ABCC5: variants seen among roughly 807,000 people sequenced by gnomAD.
The protein encoded by ABCC5 is ATP binding cassette subfamily C member 5, also known as ATP-binding cassette sub-family C member 5.
Under a neutral mutation model 160.9 loss-of-function variants are expected in ABCC5, and 61 were observed. That is an observed-to-expected ratio of 0.38 (90% CI 0.31 to 0.47). The LOEUF (loss-of-function observed/expected upper bound fraction) is 0.47. Ranked by LOEUF, ABCC5 falls within the 20% of genes least tolerant of loss-of-function variation. The pLI is 0.99. For synonymous variants in ABCC5, 666 were observed against 700.6 expected (o/e 0.95, Z 0.78); for missense variants, 1,308 against 1,813.3 (o/e 0.72, Z 5.06).
chr3:183,933,164 T>C (rs1023955204), intron 26 of ABCC5, among the ~76,000 whole-genome samples: 824 of 65,488 alleles, frequency 0.013, 12 homozygotes, highest in African/African-American at 0.054. Context: ...CGAGACTGTC[T>C]CAAAAAAAAA....
chr3:183,999,102 G>GA (rs10576500), intron 2 of ABCC5, among the ~76,000 whole-genome samples: 14 of 144,490 alleles, frequency 9.7e-5, no homozygotes, highest in Middle Eastern at 3.6e-3. Flanking sequence ...AAAAAAAAAA[G>GA]AAAAAAAAAA....
chr3:183,950,200 G>T (rs1715214465), intron 20 of ABCC5, 75 bp from the exon 21 acceptor site: 5 of 1,475,972 alleles, frequency 3.4e-6, no homozygotes, highest in Admixed American at 2.5e-5. Context: ...AAACAAAAAG[G>T]GGTTCCACAA....
chr3:183,988,948 G>A lies in ABCC5; in HGVS notation c.288-221C>T, dbSNP rs1457940388. Among the ~76,000 whole-genome samples the A allele has an allele frequency of 6.6e-6, 1 of 151,974 alleles. No homozygotes were observed. The highest frequency in any genetic ancestry group is 1.5e-5 in the Non-Finnish European group (1 of 67,992). ...TGGGAGGCCGAGGCGGGCAGATCAT[G>A]AGGTCAGGAGATTGAGACTATCCTG... On this transcript the variant is annotated intron_variant, in intron 3 of 29. Coordinates refer to ENST00000334444, the MANE Select transcript of ABCC5 (RefSeq NM_005688.4). The surrounding 1 kb of genome is among the most constrained non-coding windows in gnomAD (Gnocchi z 4.4).
chr3:183,975,865 A>G (rs1718171591), intron 10 of ABCC5, among the ~76,000 whole-genome samples: 1 of 152,144 alleles, frequency 6.6e-6, no homozygotes, highest in Non-Finnish European at 1.5e-5. Flanking sequence ...AGTCCTCACT[A>G]ATAAGCAGGA....
intron 5 of ABCC5, chr3:183,984,479 G>A (rs377008570): frequency 4.7e-6 from 5 of 1,054,372 alleles, no homozygotes; most frequent in Middle Eastern, 4.6e-4. Context: ...TAGCTACGCT[G>A]AATTCCAAAA....
chr3:184,012,038 CACACACACAAAT>C (rs1260766654), intron 2 of ABCC5, among the ~76,000 whole-genome samples: 2 of 150,464 alleles, frequency 1.3e-5, no homozygotes, highest in Non-Finnish European at 1.5e-5. Flanking sequence ...CACACACACA[CACACACACAAAT>C]GAGTGCATAT....
At chr3:183,928,042 C>T (rs1184354920) in intron 27 of ABCC5, among the ~76,000 whole-genome samples, 1 of 152,092 alleles carries the variant, frequency 6.6e-6, no homozygotes, top group African/African-American at 2.4e-5. Flanking sequence ...ACTGAGTTGT[C>T]CCAAAATGTC....
intron 24 of ABCC5, among the ~76,000 whole-genome samples, chr3:183,943,630 G>C (rs73046532): frequency 0.017 from 2,566 of 152,170 alleles, 87 homozygotes; most frequent in African/African-American, 0.058. Flanking sequence ...ATAGCCTTAT[G>C]GGGGGAAGTA....
intron 8 of ABCC5, among the ~76,000 whole-genome samples, chr3:183,979,344 CA>C (rs574015878): frequency 3.7e-3 from 394 of 107,650 alleles, no homozygotes; most frequent in Non-Finnish European, 3.6e-3. Flanking sequence ...GGCCTTATCT[CA>C]AAAAAAAAAA....
intron 5 of ABCC5, chr3:183,984,909 G>C: frequency 1.3e-6 from 2 of 1,561,726 alleles, no homozygotes; most frequent in Non-Finnish European, 1.7e-6. Context: ...AAGGACAGCA[G>C]GTGGTTGCCT....
intron 2 of ABCC5, among the ~76,000 whole-genome samples, chr3:184,000,324 C>T (rs927299654): frequency 1.3e-5 from 2 of 152,074 alleles, no homozygotes; most frequent in African/African-American, 4.8e-5. Flanking sequence ...GCCTGGGTGA[C>T]AGAGTGAGAC....
Position 183,987,410 on chromosome 3 carries a change from A to C in ABCC5, c.591+360T>G. 8.0e-6 allele frequency: 4 copies of C among 502,516 alleles called. No individual in the cohort carries two copies. The highest frequency in any genetic ancestry group is 3.2e-5 in the East Asian group (1 of 31,540). The allele number at this position is 502,516 out of a possible 1,614,324, so 31.1% of individuals were successfully genotyped here. Reference sequence around the variant, plus strand: ...GGTATGTTCCCGGTGCTGGCTCACCAGCCCGGGCCACACAACGTGCTCTCA... The same window carrying C: ...GGTATGTTCCCGGTGCTGGCTCACCCGCCCGGGCCACACAACGTGCTCTCA... On this transcript the variant is annotated intron_variant, in intron 5 of 29. Coordinates refer to ENST00000334444, the MANE Select transcript of ABCC5 (RefSeq NM_005688.4). This position sits in a 1 kb window ranked among gnomAD's most constrained non-coding sequence, Gnocchi z 4.2.
rs746258460 is a variant in ABCC5, at chr3:183,982,326, T to C, written c.999+125A>G. The stretch of plus-strand genomic sequence containing the variant: ...GAGCAAGCACTATCGAGCTCTAGAT[T>C]GAACCTGCTTTGAGGAAATTTCCAA... On this transcript the variant is annotated intron_variant, in intron 7 of 29. Coordinates refer to ENST00000334444, the MANE Select transcript of ABCC5 (RefSeq NM_005688.4). This position sits in a 1 kb window ranked among gnomAD's most constrained non-coding sequence, Gnocchi z 5.2. 6.8e-5 allele frequency: 75 copies of C among 1,110,194 alleles called. No homozygotes were observed. Among genetic ancestry groups the C allele is most frequent in the Non-Finnish European group, 9.0e-5 (71 of 786,640 alleles). The allele number at this position is 1,110,194 out of a possible 1,614,324, so 68.8% of individuals were successfully genotyped here.
Position 183,982,318 on chromosome 3 carries a change from C to G in ABCC5, c.999+133G>C. On this transcript the variant is annotated intron_variant, in intron 7 of 29. Transcript: ENST00000334444. The surrounding 1 kb of genome is among the most constrained non-coding windows in gnomAD (Gnocchi z 5.2). ...TCCCTATAGAGCAAGCACTATCGAG[C>G]TCTAGATTGAACCTGCTTTGAGGAA... 9.9e-7 allele frequency: 1 copy of G among 1,006,808 alleles called. No individual in the cohort carries two copies. The highest frequency in any genetic ancestry group is 1.4e-6 in the Non-Finnish European group (1 of 693,692). The allele number at this position is 1,006,808 out of a possible 1,614,324, so 62.4% of individuals were successfully genotyped here.
chr3:183,979,218 G>A (rs918307161), intron 8 of ABCC5, among the ~76,000 whole-genome samples: 5 of 152,026 alleles, frequency 3.3e-5, no homozygotes, highest in African/African-American at 4.8e-5. Context: ...GGTAGTACAC[G>A]CCTATGATCC....
In ABCC5 at chr3:183,978,635, C is replaced by A. The variant is rs199949072; in HGVS notation, c.1164G>T (p.Glu388Asp). Residue 388 changes from glutamate (E) to aspartate (D), a missense_variant, in exon 9 of 30, where the codon GAG becomes GAT. By Grantham distance (45) the Glu-to-Asp change is conservative (BLOSUM62 2). Coordinates refer to ENST00000334444, the MANE Select transcript of ABCC5 (RefSeq NM_005688.4). ...ACCCAGCTTTTTCCAATATCCGACG[C>A]TCCTCCTCGCGGATTTCTATGAATA... ...SQSVQKIREEERRILEKAGYF... is the reference protein window; with the variant it reads ...SQSVQKIREEDRRILEKAGYF... The A allele has an allele frequency of 6.2e-7, 1 of 1,613,378 alleles. No individual in the cohort carries two copies. The highest frequency in any genetic ancestry group is 8.5e-7 in the Non-Finnish European group (1 of 1,179,856).
At chr3:184,003,427 T>G (rs2108903451) in intron 2 of ABCC5, among the ~76,000 whole-genome samples, 1 of 152,250 alleles carries the variant, frequency 6.6e-6, no homozygotes, top group South Asian at 2.1e-4. Context: ...AGCTCTTCCC[T>G]TAAGAACTTC....
rs74494968 is a variant in ABCC5 at position 184,002,547 on chromosome 3, C to A, written c.129+11717G>T. Among the ~76,000 whole-genome samples, 1,173 of 152,366 alleles carry A rather than the reference C, an allele frequency of 7.7e-3. 3 individuals are homozygous for A. The highest frequency in any genetic ancestry group is 0.014 in the Middle Eastern group (4 of 294). On this transcript the variant is annotated intron_variant, in intron 2 of 29. Coordinates refer to ENST00000334444, the MANE Select transcript of ABCC5 (RefSeq NM_005688.4). The stretch of plus-strand genomic sequence containing the variant: ...ACATTCGATTCATAAGCAGACAGAT[C>A]TGCTCTTGCAAAAGACGCTTCTGCG...
Position 183,982,317 on chromosome 3 carries a change from G to A in ABCC5, c.999+134C>T. Reference sequence around the variant, plus strand: ...GTCCCTATAGAGCAAGCACTATCGAGCTCTAGATTGAACCTGCTTTGAGGA... The same window carrying A: ...GTCCCTATAGAGCAAGCACTATCGAACTCTAGATTGAACCTGCTTTGAGGA... On this transcript the variant is annotated intron_variant, in intron 7 of 29. Coordinates refer to ENST00000334444, the MANE Select transcript of ABCC5 (RefSeq NM_005688.4). This position sits in a 1 kb window ranked among gnomAD's most constrained non-coding sequence, Gnocchi z 5.2. 1 of 990,010 alleles carries A rather than the reference G, an allele frequency of 1.0e-6. No homozygotes were observed. The highest frequency in any genetic ancestry group is 1.5e-6 in the Non-Finnish European group (1 of 678,602). 61.3% of individuals were successfully genotyped at this position (990,010 alleles called of 1,614,324 possible).
Sources: allele counts gnomAD v4.1 joint callset (sites outside exome capture counted in the v4.1 genomes callset), GRCh38; gene constraint gnomAD v4.1.1; non-coding constraint Gnocchi (gnomAD v3.1); transcripts MANE v1.5; gene names NCBI Gene and HGNC (gene_info 2026-07-23, HGNC 2026-07-21).